ST6GALNAC3: variants seen among roughly 807,000 people sequenced by gnomAD.
The protein encoded by ST6GALNAC3 is alpha-N-acetylgalactosaminide alpha-2,6-sialyltransferase 3.
Under a neutral mutation model 32.7 loss-of-function variants are expected in ST6GALNAC3, and 25 were observed. That is an observed-to-expected ratio of 0.76 (90% CI 0.56 to 1.07). The LOEUF (loss-of-function observed/expected upper bound fraction) is 1.07, where lower values mean the gene tolerates loss of function less well. ST6GALNAC3 is among the 50% of genes least tolerant of loss of function. The probability of loss-of-function intolerance (pLI) is 0.00; values close to 1 mark genes in which losing one functional copy is unlikely to be tolerated. For synonymous variants in ST6GALNAC3, 129 were observed against 133.1 expected (o/e 0.97, Z 0.21); for missense variants, 355 against 382.4 (o/e 0.93, Z 0.60).
intron 1 of ST6GALNAC3, among the ~76,000 whole-genome samples, chr1:76,282,432 C>T (rs1659549668): frequency 6.6e-6 from 1 of 152,108 alleles, no homozygotes; most frequent in Non-Finnish European, 1.5e-5. Context: ...CTCCCCATGT[C>T]AACACATTTA....
chr1:76,208,728 T>TA (rs34092895), intron 1 of ST6GALNAC3, among the ~76,000 whole-genome samples: 82,143 of 151,774 alleles, frequency 0.54, 23,936 homozygotes, highest in East Asian at 0.88. Flanking sequence ...ATTATTGCTT[T>TA]AAAAAAAATC....
chr1:76,113,986 G>T (rs112134112), intron 1 of ST6GALNAC3, among the ~76,000 whole-genome samples: 2 of 148,324 alleles, frequency 1.3e-5, no homozygotes, highest in African/African-American at 5.1e-5. Flanking sequence ...CACCACGCCC[G>T]GCTAATTTTT....
intron 2 of ST6GALNAC3, among the ~76,000 whole-genome samples, chr1:76,321,434 C>A (rs963400294): frequency 6.6e-6 from 1 of 152,076 alleles, no homozygotes; most frequent in Non-Finnish European, 1.5e-5. Flanking sequence ...GGTGTATAAG[C>A]CAATATATTT....
chr1:76,085,099 GA>G (rs969396275), intron 1 of ST6GALNAC3, among the ~76,000 whole-genome samples: 24 of 150,248 alleles, frequency 1.6e-4, no homozygotes, highest in African/African-American at 5.1e-4. Context: ...TTAAATGGTT[GA>G]AAAAAAAATC....
At chr1:76,139,180 C>T (rs1232658178) in intron 1 of ST6GALNAC3, among the ~76,000 whole-genome samples, 1 of 150,268 alleles carries the variant, frequency 6.7e-6, no homozygotes, top group Non-Finnish European at 1.5e-5. Context: ...GGCGACAGAG[C>T]GAGACTCCGT....
chr1:76,405,587 ATGTGTGTGTGTGTGTGTGTATT>A (rs1445291436), intron 2 of ST6GALNAC3, among the ~76,000 whole-genome samples: 4 of 136,228 alleles, frequency 2.9e-5, no homozygotes, highest in Admixed American at 7.1e-5. Context: ...AAGGTAACAG[ATGTGTGTGTGTGTGTGTGTATT>A]TGTGTGTGTG....
chr1:76,472,630 T>C (rs1455353784), intron 3 of ST6GALNAC3, among the ~76,000 whole-genome samples: 1 of 152,130 alleles, frequency 6.6e-6, no homozygotes, highest in African/African-American at 2.4e-5. Context: ...TCTTTTCCTC[T>C]ATAAAATGGG....
intron 1 of ST6GALNAC3, among the ~76,000 whole-genome samples, chr1:76,122,662 A>G (rs934830977): frequency 3.9e-5 from 6 of 152,182 alleles, no homozygotes; most frequent in Non-Finnish European, 8.8e-5. Context: ...CTCCCTGACC[A>G]GCACAGCTTT....
At chr1:76,276,270 A>G (rs1304011190) in intron 1 of ST6GALNAC3, among the ~76,000 whole-genome samples, 4 of 151,992 alleles carry the variant, frequency 2.6e-5, no homozygotes, top group Admixed American at 6.6e-5. Flanking sequence ...CTTCCTTAGC[A>G]ATGCCTCCTA....
At chr1:76,220,834 A>G (rs1421993636) in intron 1 of ST6GALNAC3, among the ~76,000 whole-genome samples, 2 of 152,194 alleles carry the variant, frequency 1.3e-5, no homozygotes, top group Non-Finnish European at 2.9e-5. Flanking sequence ...CAAGAACTTC[A>G]GATTATACTT....
rs527987237 is a variant in ST6GALNAC3 at position 76,457,590 on chromosome 1, A to G, written c.623+45173A>G. Among the ~76,000 whole-genome samples the G allele has an allele frequency of 5.1e-3, 770 of 151,968 alleles. 8 individuals carry two copies. Among genetic ancestry groups the G allele is most frequent in the African/African-American group, 0.017 (707 of 41,428 alleles). ...TCAGAAATAATGCCGCATATCTACA[A>G]CTATCTGATCTTTGACAAACCTGAG... On this transcript the variant is annotated intron_variant, in intron 3 of 4. Transcript: ENST00000328299.
intron 1 of ST6GALNAC3, among the ~76,000 whole-genome samples, chr1:76,219,376 T>C (rs1223364103): frequency 6.6e-6 from 1 of 152,212 alleles, no homozygotes; most frequent in Non-Finnish European, 1.5e-5. Context: ...GCCTGAAGTA[T>C]TGAGAACTCA....
intron 3 of ST6GALNAC3, among the ~76,000 whole-genome samples, chr1:76,418,262 G>A (rs544201148): frequency 6.6e-6 from 1 of 152,098 alleles, no homozygotes; most frequent in Admixed American, 6.6e-5. Flanking sequence ...CAAACCTTTA[G>A]TAATATCTAG....
At chr1:76,417,270 T>C (rs1654715243) in intron 3 of ST6GALNAC3, among the ~76,000 whole-genome samples, 1 of 151,770 alleles carries the variant, frequency 6.6e-6, no homozygotes, top group Non-Finnish European at 1.5e-5. Context: ...TGGTCACTTT[T>C]AGATTGTCAC....
chr1:76,435,059 G>A (rs1010486878), intron 3 of ST6GALNAC3, among the ~76,000 whole-genome samples: 3 of 151,904 alleles, frequency 2.0e-5, no homozygotes, highest in African/African-American at 7.2e-5. Flanking sequence ...CCAAAGTGCT[G>A]GGATTATATG....
At chr1:76,593,516 G>C (rs315044) in intron 3 of ST6GALNAC3, among the ~76,000 whole-genome samples, 1 of 152,038 alleles carries the variant, frequency 6.6e-6, no homozygotes, top group East Asian at 1.9e-4. Flanking sequence ...GGACAGGGCA[G>C]AATTTTGAGA....
intron 3 of ST6GALNAC3, among the ~76,000 whole-genome samples, chr1:76,448,709 T>C (rs1657165951): frequency 6.6e-6 from 1 of 152,188 alleles, no homozygotes; most frequent in Admixed American, 6.5e-5. Flanking sequence ...GCAGAAGCTC[T>C]CTTTTTGCCT....
intron 1 of ST6GALNAC3, among the ~76,000 whole-genome samples, chr1:76,175,997 CT>C (rs555754680): frequency 6.6e-6 from 1 of 152,092 alleles, no homozygotes; most frequent in African/African-American, 2.4e-5. Context: ...TGAGCTTTGC[CT>C]TTTTTTCTTT....
At chr1:76,142,542 A>G (rs746321331) in intron 1 of ST6GALNAC3, among the ~76,000 whole-genome samples, 1 of 152,206 alleles carries the variant, frequency 6.6e-6, no homozygotes, top group South Asian at 2.1e-4. Flanking sequence ...CTCAGGGTGA[A>G]TGGACCACAG....
Sources: allele counts gnomAD v4.1 joint callset (sites outside exome capture counted in the v4.1 genomes callset), GRCh38; gene constraint gnomAD v4.1.1; transcripts MANE v1.5; gene names NCBI Gene and HGNC (gene_info 2026-07-23, HGNC 2026-07-21).